Variants in CDC42BPG observed in about 807,000 individuals in gnomAD.
CDC42BPG encodes serine/threonine-protein kinase MRCK gamma.
CDC42BPG carries 157 observed loss-of-function variants against 192.2 expected under a neutral mutation model. The ratio of observed to expected loss-of-function variants is 0.82; its 90% CI spans 0.72 to 0.93. The LOEUF is 0.93. Among genes scored for constraint, CDC42BPG ranks in the 40% least tolerant of loss-of-function variants. The pLI is 0.00. For missense variants in CDC42BPG, 1,992 were observed against 2,122.1 expected, an observed-to-expected ratio of 0.94 and a Z score of 1.20; for synonymous variants, 981 against 918.5, an observed-to-expected ratio of 1.07 and a Z score of -1.23.
chr11:64,840,296 C>T (rs377651311), intron 4 of CDC42BPG, 28 bp from the exon 5 acceptor site: 31 of 1,602,910 alleles, frequency 1.9e-5, no homozygotes, highest in African/African-American at 1.1e-4. Flanking sequence ...GAATCAGACC[C>T]GGGGGAAGGG....
At chr11:64,838,304 C>T in intron 8 of CDC42BPG, 142 bp from the exon 9 acceptor site, 2 of 640,618 alleles carry the variant, frequency 3.1e-6, no homozygotes, top group South Asian at 3.9e-5. Context: ...CCCAAACAAA[C>T]CCCCAGCTCC....
At chr11:64,838,924 A>G in intron 7 of CDC42BPG, 22 bp from the exon 8 acceptor site, 1 of 1,542,826 alleles carries the variant, frequency 6.5e-7, no homozygotes, top group Non-Finnish European at 8.9e-7. Context: ...GGGAGGGGGC[A>G]GGCTGGGTCA....
intron 19 of CDC42BPG, 32 bp downstream of exon 19, chr11:64,834,397 C>A (rs1224077211): frequency 2.6e-6 from 4 of 1,559,202 alleles, no homozygotes; most frequent in Non-Finnish European, 1.7e-6. Context: ...TCTGTGCGGG[C>A]CCTGGCCCCC....
rs1468597038 is a variant in CDC42BPG, at chr11:64,823,186, A to C, written c.*1287T>G. On this transcript the variant is annotated 3_prime_UTR_variant, in exon 37 of 37. Coordinates refer to ENST00000342711, the MANE Select transcript of CDC42BPG (RefSeq NM_017525.3). ...ACTGCAAGCTCCGCCTCCCGGGTTCACGCCATTCTCCTGCCTCAGCCTCCC... is the reference window on the plus strand; with the variant it reads ...ACTGCAAGCTCCGCCTCCCGGGTTCCCGCCATTCTCCTGCCTCAGCCTCCC... Among the ~76,000 whole-genome samples the C allele has an allele frequency of 2.0e-5, 3 of 149,734 alleles. No homozygotes were observed. Among genetic ancestry groups the C allele is most frequent in the Non-Finnish European group, 4.4e-5 (3 of 67,616 alleles).
At position 64,844,454 on chromosome 11, in the gene CDC42BPG, C is replaced by G; in HGVS notation, c.116G>C (p.Gly39Ala). ...CACGCTGCGCTCCCGCCGTAGGGGG[C>G]CGCTGCTGAGCTCGTGGTGCAGCGC... is the stretch of plus-strand genomic sequence containing the variant. ...LLALHHELSS[G>A]PLRRERSVAQ... Residue 39 changes from glycine (G) to alanine (A), a missense_variant, in exon 1 of 37, where the codon GGC (glycine) becomes GCC (alanine). Physicochemically the swap from Gly to Ala is moderately conservative, Grantham distance 60. Coordinates refer to ENST00000342711, the MANE Select transcript of CDC42BPG (RefSeq NM_017525.3). The G allele has an allele frequency of 6.8e-7, 1 of 1,472,668 alleles. No individual in the cohort carries two copies. The highest frequency in any genetic ancestry group is 8.9e-7 in the Non-Finnish European group (1 of 1,117,864). 91.2% of individuals were successfully genotyped at this position (1,472,668 alleles called of 1,614,324 possible). A position where few individuals can be genotyped will look rare whatever the true frequency, so the allele number is the denominator to read the frequency against.
Position 64,839,253 on chromosome 11 carries a change from A to T in CDC42BPG, c.676-20T>A. On this transcript the variant is annotated intron_variant, in intron 6 of 36. Transcript: ENST00000342711. The stretch of plus-strand genomic sequence containing the variant: ...ATCCACCTGTGGGTGGTGGTGGTGA[A>T]GCCATGAGGACAGCTTTGGGCTTGG... 6.2e-7 allele frequency: 1 copy of T among 1,612,668 alleles called. No homozygotes were observed. Among genetic ancestry groups the T allele is most frequent in the Non-Finnish European group, 8.5e-7 (1 of 1,179,804 alleles).
chr11:64,836,750 TC>T lies in CDC42BPG; in HGVS notation c.1372del (p.Asp458ThrfsTer7). On this transcript the variant is annotated frameshift_variant, in exon 11 of 37. Coordinates refer to ENST00000342711, the MANE Select transcript of CDC42BPG (RefSeq NM_017525.3). LOFTEE classifies it high-confidence loss of function. Reference sequence around the variant, plus strand: ...GGCGGAAGGGATACCTGGCAGCCTGTCCCGCAGAGTCTGCACTTCCTTCCGT... The same window carrying T: ...GGCGGAAGGGATACCTGGCAGCCTGTCCGCAGAGTCTGCACTTCCTTCCGT... ...QLRKEVQTLR[D>X]RLPEMLRDKA... 1 of 1,333,658 alleles carries T rather than the reference TC, an allele frequency of 7.5e-7. No individual in the cohort carries two copies. The highest frequency in any genetic ancestry group is 1.3e-5 in the South Asian group (1 of 77,144). 82.6% of individuals were successfully genotyped at this position (1,333,658 alleles called of 1,614,324 possible).
At chr11:64,836,380 A>ACCTCACCCACC in intron 12 of CDC42BPG, 47 bp downstream of exon 12, 1 of 1,604,710 alleles carries the variant, frequency 6.2e-7, no homozygotes, top group Non-Finnish European at 8.5e-7. Flanking sequence ...CCACTCACCC[A>ACCTCACCCACC]CCTCACCCAC....
Position 64,836,210 on chromosome 11 carries a change from C to T in CDC42BPG, c.1575G>A (p.Arg525=). 3 of 1,599,930 alleles carry T rather than the reference C, an allele frequency of 1.9e-6. No individual in the cohort carries two copies. Among genetic ancestry groups the T allele is most frequent in the Admixed American group, 1.7e-5 (1 of 58,058 alleles). ...CCTCTCTCTCCTGGGCCTCCTGTAG[C>T]CTCTGAAGCAGCTCCTCCTGCTGCC... is the stretch of plus-strand genomic sequence containing the variant. ...AQGQQEELLQ[R]LQEAQEREAA... Residue 525 remains arginine, a synonymous_variant, in exon 13 of 37, where the codon AGG becomes AGA. Coordinates refer to ENST00000342711, the MANE Select transcript of CDC42BPG (RefSeq NM_017525.3).
rs371720590 is a variant in CDC42BPG, at chr11:64,839,353, G to A, written c.676-120C>T. ...GCTGGCCTGCTGCTGCCCACCTGGG[G>A]CCTGGGTCTCACCCACCTTCCCCGG... On this transcript the variant is annotated intron_variant, in intron 6 of 36. Transcript: ENST00000342711. 413 of 1,500,282 alleles carry A rather than the reference G, an allele frequency of 2.8e-4. 2 individuals are homozygous for A. In the African/African-American group the frequency reaches 3.6e-3, roughly 13 times the overall value. The allele number at this position is 1,500,282 out of a possible 1,614,324, so 92.9% of individuals were successfully genotyped here. A position where few individuals can be genotyped will look rare whatever the true frequency, so the allele number is the denominator to read the frequency against.
In CDC42BPG at chr11:64,838,702, G is replaced by A. The variant is rs761865744; in HGVS notation, c.1077C>T (p.Pro359=). 1 of 1,613,196 alleles carries A rather than the reference G, an allele frequency of 6.2e-7. No individual in the cohort carries two copies. Among genetic ancestry groups the A allele is most frequent in the South Asian group, 1.1e-5 (1 of 91,082 alleles). ...TAPYIPELRG[P]MDTSNFDVDD... ...CCACATCAAAGTTGGAGGTGTCCAT[G>A]GGCCCCCGCAGCTCAGGAATATAGG... is the stretch of plus-strand genomic sequence containing the variant. The change falls in exon 8 of 37, where the codon CCC becomes CCT. Residue 359 remains proline (P), a synonymous_variant. Coordinates refer to ENST00000342711, the MANE Select transcript of CDC42BPG (RefSeq NM_017525.3).
intron 11 of CDC42BPG, 92 bp downstream of exon 11, chr11:64,836,647 C>G: frequency 8.2e-7 from 1 of 1,217,194 alleles, no homozygotes; most frequent in East Asian, 2.5e-5. Flanking sequence ...AATGCTCTCC[C>G]AGGATCATAC....
In CDC42BPG at chr11:64,835,151, T is replaced by C. The variant is rs750552472; in HGVS notation, c.1956A>G (p.Leu652=). ...NRRLSREQER[L]EAELAQEQES... ...CCTGCTCCTGGGCCAGCTCTGCTTC[T>C]AGCTGGGGCCGGCCAGAGGAAAGGT... Residue 652 remains leucine (L), a splice_region_variant and synonymous_variant, in exon 17 of 37, where the codon CTA becomes CTG. Transcript: ENST00000342711. 14 of 1,601,822 alleles carry C rather than the reference T, an allele frequency of 8.7e-6. No individual in the cohort carries two copies. Among genetic ancestry groups the C allele is most frequent in the East Asian group, 2.2e-5 (1 of 44,848 alleles).
Position 64,829,870 on chromosome 11 carries a change from C to G in CDC42BPG, c.3568G>C (p.Ala1190Pro). The G allele has an allele frequency of 6.2e-7, 1 of 1,608,728 alleles. No homozygotes were observed. Among genetic ancestry groups the G allele is most frequent in the South Asian group, 1.1e-5 (1 of 90,862 alleles). The change falls in exon 30 of 37, where the codon GCC (alanine) becomes CCC (proline). Residue 1190 changes from alanine (A) to proline (P), a missense_variant. Physicochemically the swap from Ala to Pro is conservative, Grantham distance 27. Around this residue, in one of 2 missense-constraint regions of CDC42BPG, gnomAD observed 1,656 missense variants for 1,844.3 expected, o/e 0.90. Coordinates refer to ENST00000342711, the MANE Select transcript of CDC42BPG (RefSeq NM_017525.3). ...QVLAAGSILQ[A>P]RTPVLCVAVK... ...GCTACACAGAGCACCGGGGTGCGGG[C>G]CTGCAGGATGCTTCCAGCTGCCAGC... is the stretch of plus-strand genomic sequence containing the variant.
At chr11:64,829,407 ACCC>A (rs1942577026) in intron 30 of CDC42BPG, 61 bp downstream of exon 30, 7 of 1,566,294 alleles carry the variant, frequency 4.5e-6, no homozygotes, top group Non-Finnish European at 6.0e-6. Context: ...TTGAGGCGGG[ACCC>A]TGTCTTCACC....
At chr11:64,840,023 T>A in intron 5 of CDC42BPG, 97 bp downstream of exon 5, 2 of 1,235,160 alleles carry the variant, frequency 1.6e-6, no homozygotes, top group Non-Finnish European at 2.3e-6. Flanking sequence ...GCCTGGCACA[T>A]GATGAGTGCT....
In CDC42BPG at chr11:64,832,924, G is replaced by C. The variant is rs758152843; in HGVS notation, c.2767C>G (p.Gln923Glu). 61 of 1,544,086 alleles carry C rather than the reference G, an allele frequency of 4.0e-5. No homozygotes were observed. The highest frequency in any genetic ancestry group is 2.0e-4 in the Admixed American group (10 of 49,230). ...GYFCHTTCAP[Q>E]APPCPVPPDL... Reference sequence around the variant, plus strand: ...GGGGGCACGGGGCAGGGTGGGGCCTGTGGGGCACAGGTTGTGTGACAAAAG... The same window carrying C: ...GGGGGCACGGGGCAGGGTGGGGCCTCTGGGGCACAGGTTGTGTGACAAAAG... Residue 923 changes from glutamine (Q) to glutamate (E), a missense_variant, in exon 25 of 37, where the codon CAG (glutamine) becomes GAG (glutamate). Gln to Glu is a conservative substitution (Grantham distance 29). Around this residue, in one of 2 missense-constraint regions of CDC42BPG, gnomAD observed 1,656 missense variants for 1,844.3 expected, o/e 0.90. Transcript: ENST00000342711.
rs575774898 is a variant in CDC42BPG, at chr11:64,837,626, TA to T, written c.1205+456del. Among the ~76,000 whole-genome samples, 189 of 152,304 alleles carry T rather than the reference TA, an allele frequency of 1.2e-3. 1 individual carries two copies. The highest frequency in any genetic ancestry group is 4.1e-3 in the African/African-American group (171 of 41,570). On this transcript the variant is annotated intron_variant, in intron 9 of 36. Transcript: ENST00000342711. ...ACAGGCGCCCGCCACCACGCCCGGC[TA>T]ATTTTTGTATTTTTAGTAGAGATGG...
rs904495428 is a variant in CDC42BPG, at chr11:64,823,263, T to G, written c.*1210A>C. ...CACCACGCCCGGCTAATTTTTTGTA[T>G]TTTTAGTAGAGATGGGGTTTCACCG... is the stretch of plus-strand genomic sequence containing the variant. On this transcript the variant is annotated 3_prime_UTR_variant, in exon 37 of 37. Transcript: ENST00000342711. 6.6e-6 allele frequency: 1 copy of G among 152,028 alleles called. No individual in the cohort carries two copies. The highest frequency in any genetic ancestry group is 2.1e-4 in the South Asian group (1 of 4,816). 9.4% of individuals were successfully genotyped at this position (152,028 alleles called of 1,614,324 possible).
Sources: gnomAD v4.1 joint callset for allele counts (sites outside exome capture counted in the v4.1 genomes callset) on GRCh38, gnomAD v4.1.1 for gene constraint, gnomAD v4.1.1 regional missense constraint, MANE v1.5 for transcripts, NCBI Gene and HGNC (gene_info 2026-07-23, HGNC 2026-07-21) for gene names.